The following CNTROB variants were observed in gnomAD, a reference collection of about 807,000 sequenced individuals.
The protein encoded by CNTROB is centrobin, centriole duplication and spindle assembly protein, also known as centrobin.
A neutral mutation model predicts 115.7 loss-of-function variants in CNTROB; 82 were observed. The observed-to-expected ratio is 0.71, with a 90% CI of 0.59 to 0.85. The LOEUF is 0.85. Ranked by LOEUF, CNTROB falls within the 40% of genes least tolerant of loss-of-function variation. CNTROB has a pLI of 0.00. For synonymous variants in CNTROB, 439 were observed against 456.4 expected (o/e 0.96, Z 0.49); for missense variants, 1,014 against 1,144.4 (o/e 0.89, Z 1.64).
intron 13 of CNTROB, among the ~76,000 whole-genome samples, chr17:7,946,606 G>A (rs191870371): frequency 3.3e-5 from 5 of 152,314 alleles, no homozygotes; most frequent in East Asian, 1.9e-4. Context: ...AGTGGCTCAC[G>A]CCTGTAATGC....
In CNTROB at chr17:7,948,459, C is replaced by A. The variant is rs76393612; in HGVS notation, c.2381-28C>A. 1 of 1,613,054 alleles carries A rather than the reference C, an allele frequency of 6.2e-7. No individual in the cohort carries two copies. The highest frequency in any genetic ancestry group is 1.7e-5 in the Admixed American group (1 of 60,016). On this transcript the variant is annotated intron_variant, in intron 16 of 18. Transcript: ENST00000563694. The surrounding 1 kb of genome is among the most constrained non-coding windows in gnomAD (Gnocchi z 4.4). Reference sequence around the variant, plus strand: ...GCTGGGGAGACAGGCCCTAGGATGACGCCTGTGATTATTGCGATGTCTGTC... The same window carrying A: ...GCTGGGGAGACAGGCCCTAGGATGAAGCCTGTGATTATTGCGATGTCTGTC...
In CNTROB at chr17:7,943,989, G is replaced by T. The variant is rs117314126; in HGVS notation, c.1446-134G>T. ...CTAAGACCCCAGCTTTGTCCTTGCCGCTTCCTGTGCCATGGCCAGGCTAGC... is the reference window on the plus strand; with the variant it reads ...CTAAGACCCCAGCTTTGTCCTTGCCTCTTCCTGTGCCATGGCCAGGCTAGC... On this transcript the variant is annotated intron_variant, in intron 10 of 18. Coordinates refer to ENST00000563694, the MANE Select transcript of CNTROB (RefSeq NM_053051.5). The surrounding 1 kb of genome is among the most constrained non-coding windows in gnomAD (Gnocchi z 4.7). The T allele has an allele frequency of 7.6e-6, 5 of 660,760 alleles. No homozygotes were observed. The highest frequency in any genetic ancestry group is 3.3e-4 in the Middle Eastern group (1 of 3,004). 40.9% of individuals were successfully genotyped at this position (660,760 alleles called of 1,614,324 possible). A position where few individuals can be genotyped will look rare whatever the true frequency, so the allele number is the denominator to read the frequency against.
In CNTROB at chr17:7,932,612, T is replaced by C. The variant is rs939694678; in HGVS notation, c.-468T>C. The C allele has an allele frequency of 2.4e-5, 4 of 163,580 alleles. No individual in the cohort carries two copies. Among genetic ancestry groups the C allele is most frequent in the Admixed American group, 6.3e-5 (1 of 15,826 alleles). The allele number at this position is 163,580 out of a possible 1,614,324, so 10.1% of individuals were successfully genotyped here. On this transcript the variant is annotated 5_prime_UTR_variant, in exon 1 of 19. Transcript: ENST00000563694. The stretch of plus-strand genomic sequence containing the variant: ...CGCCCTCTCTTGAGACTGGAACCAA[T>C]TGAGGGACTAGTAGGGCAGGGGGAC...
At chr17:7,932,127 T>C (rs1972581627), upstream of CNTROB, 1 of 473,672 alleles carries the variant, frequency 2.1e-6, no homozygotes. Flanking sequence ...GCGCTCGGGA[T>C]ACAGAAGTGA....
rs1974868458 is a variant in CNTROB at position 7,948,779 on chromosome 17, ACTTTT to A, written c.2513+166_2513+170del. The A allele has an allele frequency of 5.8e-6, 9 of 1,549,930 alleles. No homozygotes were observed. Among genetic ancestry groups the A allele is most frequent in the South Asian group, 3.6e-5 (3 of 83,664 alleles). On this transcript the variant is annotated intron_variant, in intron 17 of 18. Transcript: ENST00000563694. The surrounding 1 kb of genome is among the most constrained non-coding windows in gnomAD (Gnocchi z 4.4). The stretch of plus-strand genomic sequence containing the variant: ...CACAGATCTTCTCTAACTGCCCCAC[ACTTTT>A]CTTTTATCTCCTCCTTTCTATTGCT...
Position 7,947,955 on chromosome 17 carries a change from G to A in CNTROB, c.2185G>A (p.Val729Ile). The A allele has an allele frequency of 6.2e-7, 1 of 1,614,078 alleles. No homozygotes were observed. The highest frequency in any genetic ancestry group is 8.5e-7 in the Non-Finnish European group (1 of 1,179,988). ...TVPQNNENPS[V>I]DLLPPKSGPL... ...GCCCCAGAACAATGAGAACCCTTCT[G>A]TCGACCTGTTGCCCCCTAAGTCTGG... The change falls in exon 15 of 19, where the codon GTC (valine) becomes ATC (isoleucine). Residue 729 changes from valine (V) to isoleucine (I), a missense_variant. Physicochemically the swap from Val to Ile is conservative, Grantham distance 29 (BLOSUM62 3). Transcript: ENST00000563694.
intron 6 of CNTROB, 77 bp downstream of exon 6, chr17:7,936,894 A>G (rs1257757183): frequency 4.2e-5 from 34 of 812,484 alleles, no homozygotes; most frequent in Non-Finnish European, 5.7e-5. Context: ...ATAGCTCTGG[A>G]ATTAGGGTTT....
Position 7,945,747 on chromosome 17 carries a change from C to T in CNTROB, c.1754C>T (p.Ser585Phe). Residue 585 changes from serine (S) to phenylalanine (F), a missense_variant, in exon 13 of 19, where the codon TCC becomes TTC. Ser to Phe is a radical substitution (Grantham distance 155). Transcript: ENST00000563694. ...PNPPAPPAGP[S>F]SPGPQEPEKE... ...GGTCAGGCTCCTCCTGCTGGACCCT[C>T]CAGCCCCGGGCCTCAGGAGCCCGAG... 6.2e-7 allele frequency: 1 copy of T among 1,614,240 alleles called. No homozygotes were observed. The highest frequency in any genetic ancestry group is 8.5e-7 in the Non-Finnish European group (1 of 1,180,040).
At position 7,944,318 on chromosome 17, in the gene CNTROB, G is replaced by A. The variant is rs553204941; in HGVS notation, c.1571+70G>A. On this transcript the variant is annotated intron_variant, in intron 11 of 18. Transcript: ENST00000563694. This position sits in a 1 kb window ranked among gnomAD's most constrained non-coding sequence, Gnocchi z 4.0. ...CATGGGTAGAGCCCAAACTGGGAAC[G>A]GTGAAGAGCTGCTCCCTTGATTGAT... The A allele has an allele frequency of 1.6e-5, 25 of 1,568,104 alleles. No individual in the cohort carries two copies. Among genetic ancestry groups the A allele is most frequent in the East Asian group, 1.6e-4 (7 of 44,670 alleles).
rs1974913485 is a variant in CNTROB at position 7,949,156 on chromosome 17, A to G, written c.2585A>G (p.Glu862Gly). The change falls in exon 18 of 19, where the codon GAG (glutamate) becomes GGG (glycine). Residue 862 changes from glutamate (E) to glycine (G), a missense_variant and splice_region_variant. Glu to Gly is a moderately conservative substitution (Grantham distance 98, BLOSUM62 -2). Transcript: ENST00000563694. ...CGCTTGGGTGAGATCCCCCGGAAAG[A>G]GGTGAGGGAAAGTCAGGCAGGGACC... ...DSRLGEIPRK[E>G]IPSQAVPRRL... 6.2e-7 allele frequency: 1 copy of G among 1,613,882 alleles called. No individual in the cohort carries two copies. Among genetic ancestry groups the G allele is most frequent in the African/African-American group, 1.3e-5 (1 of 74,904 alleles).
chr17:7,933,140 T>A lies in CNTROB; in HGVS notation c.61T>A (p.Ser21Thr). Residue 21 changes from serine (S) to threonine (T), a missense_variant, in exon 1 of 19, where the codon TCA (serine) becomes ACA (threonine). Coordinates refer to ENST00000563694, the MANE Select transcript of CNTROB (RefSeq NM_053051.5). ...PLGAEDLLSD[S>T]SEPPGLNQVS... ...CGGGGCGGAGGATCTCCTGAGTGAT[T>A]CATCAGAACCCCCTGGGCTCAACCA... is the stretch of plus-strand genomic sequence containing the variant. 6.2e-7 allele frequency: 1 copy of A among 1,614,180 alleles called. No individual in the cohort carries two copies.
In CNTROB at chr17:7,939,958, C is replaced by T; in HGVS notation, c.1165-138C>T. 5 of 1,167,858 alleles carry T rather than the reference C, an allele frequency of 4.3e-6. No homozygotes were observed. Among genetic ancestry groups the T allele is most frequent in the Non-Finnish European group, 6.0e-6 (5 of 829,198 alleles). The allele number at this position is 1,167,858 out of a possible 1,614,324, so 72.3% of individuals were successfully genotyped here. A position where few individuals can be genotyped will look rare whatever the true frequency, so the allele number is the denominator to read the frequency against. ...TGAAAGGCCAAAGACTGAAATTCAA[C>T]AGGGATGGGGAAATAAAACAAATGG... On this transcript the variant is annotated intron_variant, in intron 8 of 18. Transcript: ENST00000563694. This position sits in a 1 kb window ranked among gnomAD's most constrained non-coding sequence, Gnocchi z 4.4.
chr17:7,934,637 C>T (rs1188039836), intron 3 of CNTROB, 91 bp downstream of exon 3: 2 of 1,136,188 alleles, frequency 1.8e-6, no homozygotes, highest in Middle Eastern at 1.9e-4. Flanking sequence ...GCTTTTGTAC[C>T]TCTTAAGAAC....
chr17:7,937,793 A>G (rs1973360635), intron 7 of CNTROB, among the ~76,000 whole-genome samples: 2 of 151,874 alleles, frequency 1.3e-5, no homozygotes, highest in Non-Finnish European at 2.9e-5. Context: ...ACAGAGTGAG[A>G]CTCCATCTCA....
Position 7,937,181 on chromosome 17 carries a change from A to G in CNTROB, c.846A>G (p.Glu282=), listed in dbSNP as rs772863427. The G allele has an allele frequency of 1.9e-6, 3 of 1,614,192 alleles. No homozygotes were observed. The highest frequency in any genetic ancestry group is 2.5e-6 in the Non-Finnish European group (3 of 1,180,010). ...CCTGAAAGACAGTAACCCGCCTGGAACAAAGCCTTTCTGAGGCCATGGAGG... is the reference window on the plus strand; with the variant it reads ...CCTGAAAGACAGTAACCCGCCTGGAGCAAAGCCTTTCTGAGGCCATGGAGG... ...SKQQETVTRL[E]QSLSEAMEAL... is the part of the protein sequence containing the mutation. Residue 282 remains glutamate, a synonymous_variant, in exon 7 of 19, where the codon GAA becomes GAG. Transcript: ENST00000563694.
chr17:7,947,243 T>C (rs1424168829), intron 13 of CNTROB, among the ~76,000 whole-genome samples: 1 of 151,948 alleles, frequency 6.6e-6, no homozygotes, highest in East Asian at 1.9e-4. Context: ...GAATGAGGCA[T>C]ATTCGGGGGA....
rs1420599674 is a variant in CNTROB at position 7,939,747 on chromosome 17, A to T, written c.1162A>T (p.Lys388Ter). 6.2e-7 allele frequency: 1 copy of T among 1,613,724 alleles called. No individual in the cohort carries two copies. Among genetic ancestry groups the T allele is most frequent in the South Asian group, 1.1e-5 (1 of 91,060 alleles). ...GAGCCAGGCTCAGCTGGAAAGGGAGAAGGTAAAAGTGGCAGTTGGAAGAGC... is the reference window on the plus strand; with the variant it reads ...GAGCCAGGCTCAGCTGGAAAGGGAGTAGGTAAAAGTGGCAGTTGGAAGAGC... Reference protein sequence around the residue: ...EESQAQLEREKEKSQREAQAA... With the variant: ...EESQAQLERE Residue 388 changes from lysine (K) to a stop codon, truncating the protein, a stop_gained and splice_region_variant, in exon 8 of 19, where the codon AAG (lysine) becomes TAG (stop). Transcript: ENST00000563694. LOFTEE classifies it high-confidence loss of function. The surrounding 1 kb of genome is among the most constrained non-coding windows in gnomAD (Gnocchi z 4.4).
rs201649892 is a variant in CNTROB at position 7,939,640 on chromosome 17, G to C, written c.1055G>C (p.Arg352Pro). ...GAGCATCGAGAGTTGGAGACTCTTC[G>C]GGCTGCCCTAGAAGAAGAACGGCAG... ...LSEHRELETL[R>P]AALEEERQTW... The change falls in exon 8 of 19, where the codon CGG becomes CCG. Residue 352 changes from arginine to proline, a missense_variant. Physicochemically the swap from Arg to Pro is moderately radical, Grantham distance 103. Coordinates refer to ENST00000563694, the MANE Select transcript of CNTROB (RefSeq NM_053051.5). This position sits in a 1 kb window ranked among gnomAD's most constrained non-coding sequence, Gnocchi z 4.4. 6.2e-7 allele frequency: 1 copy of C among 1,613,822 alleles called. No individual in the cohort carries two copies. The highest frequency in any genetic ancestry group is 1.3e-5 in the African/African-American group (1 of 74,824).
intron 4 of CNTROB, 109 bp downstream of exon 4, chr17:7,935,254 A>G (rs527296299): frequency 1.3e-6 from 2 of 1,544,044 alleles, no homozygotes; most frequent in African/African-American, 1.4e-5. Flanking sequence ...CTGTAATCAC[A>G]GCACTTTGGG....
Sources: gnomAD v4.1 joint callset for allele counts (sites outside exome capture counted in the v4.1 genomes callset) on GRCh38, gnomAD v4.1.1 for gene constraint, Gnocchi (gnomAD v3.1) non-coding constraint, MANE v1.5 for transcripts, NCBI Gene and HGNC (gene_info 2026-07-23, HGNC 2026-07-21) for gene names.